STYXL2: variants seen among roughly 807,000 people sequenced by gnomAD.
STYXL2 encodes the protein serine/threonine/tyrosine-interacting-like protein 2.
Under a neutral mutation model 52.4 loss-of-function variants are expected in STYXL2, and 44 were observed. The observed-to-expected ratio is 0.84, with a 90% CI of 0.66 to 1.08. The LOEUF (loss-of-function observed/expected upper bound fraction) is 1.08. STYXL2 is among the 50% of genes least tolerant of loss of function. STYXL2 has a pLI of 0.00. For synonymous variants in STYXL2, 604 were observed against 586.9 expected (o/e 1.03, Z -0.42); for missense variants, 1,604 against 1,471.7 (o/e 1.09, Z -1.47).
intron 4 of STYXL2, among the ~76,000 whole-genome samples, chr1:167,118,001 T>G (rs1216076342): frequency 6.6e-6 from 1 of 152,222 alleles, no homozygotes; most frequent in Non-Finnish European, 1.5e-5. Flanking sequence ...ACATGTACAG[T>G]GTGCTGCTAA....
intron 2 of STYXL2, among the ~76,000 whole-genome samples, chr1:167,097,199 T>G: frequency 6.6e-6 from 1 of 152,342 alleles, no homozygotes; most frequent in East Asian, 1.9e-4. Flanking sequence ...AAGACATGTC[T>G]TCCTTGAAGG....
chr1:167,099,090 A>G (rs1309391651), intron 2 of STYXL2, among the ~76,000 whole-genome samples: 2 of 152,210 alleles, frequency 1.3e-5, no homozygotes, highest in Non-Finnish European at 2.9e-5. Flanking sequence ...GAGACACTTC[A>G]TAATGATCAA....
At chr1:167,097,875 G>A (rs1471726966) in intron 2 of STYXL2, among the ~76,000 whole-genome samples, 2 of 151,874 alleles carry the variant, frequency 1.3e-5, no homozygotes, top group South Asian at 2.1e-4. Context: ...TAAAAATAAC[G>A]ATATAGGTTT....
At chr1:167,113,026 A>G (rs941888491) in intron 2 of STYXL2, among the ~76,000 whole-genome samples, 1 of 152,106 alleles carries the variant, frequency 6.6e-6, no homozygotes, top group African/African-American at 2.4e-5. Flanking sequence ...TAGATTCTCC[A>G]TGTTCCTAAA....
chr1:167,113,922 A>AGCAGAACTGCCTTCT, intron 3 of STYXL2, 118 bp downstream of exon 3: 2 of 799,472 alleles, frequency 2.5e-6, no homozygotes, highest in Non-Finnish European at 4.3e-6. Flanking sequence ...CGTTAGGAAG[A>AGCAGAACTGCCTTCT]GCAGATCTGC....
chr1:167,115,218 C>T (rs1336414345), intron 3 of STYXL2, among the ~76,000 whole-genome samples: 1 of 152,078 alleles, frequency 6.6e-6, no homozygotes, highest in Non-Finnish European at 1.5e-5. Context: ...GTTTCATTAG[C>T]CTTAGTGGCT....
Position 167,128,291 on chromosome 1 carries a change from T to G in STYXL2, c.3160T>G (p.Ser1054Ala). Residue 1054 changes from serine to alanine, a missense_variant, in exon 6 of 6, where the codon TCC becomes GCC. Coordinates refer to ENST00000361200, the MANE Select transcript of STYXL2 (RefSeq NM_001080426.3). Reference sequence around the variant, plus strand: ...CCCAGAGTCCTCAGAAAGGGAAGAGTCCCCAGAACCACAGCGCCCAAATTG... The same window carrying G: ...CCCAGAGTCCTCAGAAAGGGAAGAGGCCCCAGAACCACAGCGCCCAAATTG... ...RTPESSEREESPEPQRPNWAR... is the reference protein window; with the variant it reads ...RTPESSEREEAPEPQRPNWAR... 6.2e-7 allele frequency: 1 copy of G among 1,612,490 alleles called. No individual in the cohort carries two copies.
chr1:167,100,491 G>A (rs191198905), intron 2 of STYXL2, among the ~76,000 whole-genome samples: 2 of 152,220 alleles, frequency 1.3e-5, no homozygotes, highest in Admixed American at 6.5e-5. Context: ...CACCGAAAGG[G>A]GAAACAGGAC....
Position 167,117,526 on chromosome 1 carries a change from A to G in STYXL2, c.404A>G (p.Asp135Gly). The G allele has an allele frequency of 1.2e-6, 2 of 1,607,944 alleles. No homozygotes were observed. The highest frequency in any genetic ancestry group is 8.5e-7 in the Non-Finnish European group (1 of 1,177,110). ...CAAGAGGCGCCCTGGAATGAGGTGG[A>G]TGAGGTCTGGCCCAATGTCTTCATA... ...DRQEAPWNEV[D>G]EVWPNVFIAE... is the part of the protein sequence containing the mutation. Residue 135 changes from aspartate (D) to glycine (G), a missense_variant, in exon 4 of 6, where the codon GAT (aspartate) becomes GGT (glycine). Physicochemically the swap from Asp to Gly is moderately conservative, Grantham distance 94. Transcript: ENST00000361200.
chr1:167,126,286 G>T lies in STYXL2; in HGVS notation c.1155G>T (p.Glu385Asp). The T allele has an allele frequency of 6.5e-7, 1 of 1,532,114 alleles. No homozygotes were observed. Among genetic ancestry groups the T allele is most frequent in the South Asian group, 1.3e-5 (1 of 78,818 alleles). 94.9% of individuals were successfully genotyped at this position (1,532,114 alleles called of 1,614,324 possible). The change falls in exon 6 of 6, where the codon GAG becomes GAT. Residue 385 changes from glutamate (E) to aspartate (D), a missense_variant. Coordinates refer to ENST00000361200, the MANE Select transcript of STYXL2 (RefSeq NM_001080426.3). ...ASSGQGGEEL[E>D]DEDVERIIQE... ...CTGGCCAGGGTGGGGAGGAGCTCGA[G>T]GACGAGGACGTGGAGAGGATCATCC... is the stretch of plus-strand genomic sequence containing the variant.
At position 167,127,919 on chromosome 1, in the gene STYXL2, G is replaced by C. The variant is rs1160859551; in HGVS notation, c.2788G>C (p.Glu930Gln). 3.1e-6 allele frequency: 5 copies of C among 1,614,032 alleles called. No homozygotes were observed. The highest frequency in any genetic ancestry group is 1.3e-5 in the African/African-American group (1 of 74,926). Residue 930 changes from glutamate (E) to glutamine (Q), a missense_variant, in exon 6 of 6, where the codon GAG becomes CAG. Coordinates refer to ENST00000361200, the MANE Select transcript of STYXL2 (RefSeq NM_001080426.3). ...TGCAAGTGGCAGCAGAGTTGGCAAA[G>C]AGATGGATAGCAGTATTAATAAGTG... ...HYASGSRVGK[E>Q]MDSSINKWLS... is the part of the protein sequence containing the mutation.
chr1:167,121,402 C>G (rs1667854888), intron 5 of STYXL2, among the ~76,000 whole-genome samples: 2 of 152,238 alleles, frequency 1.3e-5, no homozygotes, highest in Admixed American at 1.3e-4. Flanking sequence ...GTGTGTCCCA[C>G]CTCGCTCGCA....
Position 167,126,918 on chromosome 1 carries a change from A to G in STYXL2, c.1787A>G (p.His596Arg), listed in dbSNP as rs750042465. 3 of 1,611,670 alleles carry G rather than the reference A, an allele frequency of 1.9e-6. No homozygotes were observed. Among genetic ancestry groups the G allele is most frequent in the African/African-American group, 2.7e-5 (2 of 74,894 alleles). Residue 596 changes from histidine (H) to arginine (R), a missense_variant, in exon 6 of 6, where the codon CAC becomes CGC. Transcript: ENST00000361200. ...LTAYQAWKLK[H>R]QKKVGSENKE... ...GCCTACCAGGCCTGGAAGCTGAAAC[A>G]CCAGAAGAAGGTGGGCAGTGAGAAC...
rs199919968 is a variant in STYXL2, at chr1:167,127,419, T to A, written c.2288T>A (p.Leu763Gln). 6.2e-7 allele frequency: 1 copy of A among 1,613,986 alleles called. No homozygotes were observed. Among genetic ancestry groups the A allele is most frequent in the Non-Finnish European group, 8.5e-7 (1 of 1,179,996 alleles). ...AAGGCAGTACCAGCGGCTAGCTGCC[T>A]GGGGGATGACCAAGTCTCCATGCTT... ...SMKAVPAASCLGDDQVSMLSG... is the reference protein window; with the variant it reads ...SMKAVPAASCQGDDQVSMLSG... The change falls in exon 6 of 6, where the codon CTG (leucine) becomes CAG (glutamine). Residue 763 changes from leucine (L) to glutamine (Q), a missense_variant. Transcript: ENST00000361200.
chr1:167,122,846 C>T (rs1667887506), intron 5 of STYXL2, among the ~76,000 whole-genome samples: 1 of 152,018 alleles, frequency 6.6e-6, no homozygotes, highest in Non-Finnish European at 1.5e-5. Flanking sequence ...TTTGTATTTT[C>T]AGTATTGACA....
rs528464719 is a variant in STYXL2, at chr1:167,125,796, T to C, written c.665T>C (p.Leu222Pro). The C allele has an allele frequency of 6.3e-7, 1 of 1,597,816 alleles. No homozygotes were observed. The highest frequency in any genetic ancestry group is 1.3e-5 in the African/African-American group (1 of 74,204). Residue 222 changes from leucine to proline, a missense_variant, in exon 6 of 6, where the codon CTG becomes CCG. By Grantham distance (98) the Leu-to-Pro change is moderately conservative. Coordinates refer to ENST00000361200, the MANE Select transcript of STYXL2 (RefSeq NM_001080426.3). ...TGTGTTTTCATTTCAGGGAAAGTCC[T>C]GGTCAGCAGCGAAATGGGCATCAGC... is the stretch of plus-strand genomic sequence containing the variant. ...EALLTYRGKVLVSSEMGISRS... is the reference protein window; with the variant it reads ...EALLTYRGKVPVSSEMGISRS...
chr1:167,125,839 G>A lies in STYXL2; in HGVS notation c.708G>A (p.Val236=), dbSNP rs151337949. Residue 236 remains valine (V), a synonymous_variant, in exon 6 of 6, where the codon GTG becomes GTA. Coordinates refer to ENST00000361200, the MANE Select transcript of STYXL2 (RefSeq NM_001080426.3). ...EMGISRSAVL[V]VAYLMIFHNM... Reference sequence around the variant, plus strand: ...GCATCAGCCGGTCAGCAGTGCTGGTGGTCGCCTACCTGATGATCTTCCACA... The same window carrying A: ...GCATCAGCCGGTCAGCAGTGCTGGTAGTCGCCTACCTGATGATCTTCCACA... The A allele has an allele frequency of 9.5e-5, 153 of 1,613,380 alleles. No homozygotes were observed. In the African/African-American group the frequency reaches 1.8e-3, roughly 19 times the overall value.
At chr1:167,116,824 TATTTTTGTAGGGACAGTGTTTCACC>T (rs909367410) in intron 3 of STYXL2, among the ~76,000 whole-genome samples, 2 of 152,120 alleles carry the variant, frequency 1.3e-5, no homozygotes, top group African/African-American at 4.8e-5. Flanking sequence ...GCTAATTTTG[TATTTTTGTAGGGACAGTGTTTCACC>T]ATGTTGGTCA....
intron 2 of STYXL2, among the ~76,000 whole-genome samples, chr1:167,098,073 G>T (rs1343598749): frequency 2.8e-5 from 4 of 143,870 alleles, no homozygotes; most frequent in Non-Finnish European, 6.0e-5. Flanking sequence ...GTGCAGTGGC[G>T]TGATCTTGGC....
Sources: gnomAD v4.1 joint callset for allele counts (sites outside exome capture counted in the v4.1 genomes callset) on GRCh38, gnomAD v4.1.1 for gene constraint, MANE v1.5 for transcripts, NCBI Gene and HGNC (gene_info 2026-07-23, HGNC 2026-07-21) for gene names.